Variants in VPS13A observed in about 807,000 individuals in gnomAD.
VPS13A encodes vacuolar protein sorting 13 homolog A.
In VPS13A, 264 loss-of-function variants were observed where a neutral mutation model predicts 390.9. That is an observed-to-expected ratio of 0.68 (90% CI 0.61 to 0.75). The LOEUF (loss-of-function observed/expected upper bound fraction) is 0.75. Ranked by LOEUF, VPS13A falls within the 30% of genes least tolerant of loss-of-function variation. The pLI, the probability that VPS13A is intolerant of heterozygous loss-of-function variation, is 0.00. For missense variants in VPS13A, 3,409 were observed against 3,733.9 expected (o/e 0.91, Z 2.27); for synonymous variants, 1,231 against 1,227.1 (o/e 1.00, Z -0.07).
intron 46 of VPS13A, among the ~76,000 whole-genome samples, chr9:77,333,298 A>T: frequency 6.6e-6 from 1 of 152,206 alleles, no homozygotes; most frequent in East Asian, 1.9e-4. Flanking sequence ...AATTTGTTAC[A>T]TGATAGTTAA....
Position 77,287,212 on chromosome 9 carries a change from A to G in VPS13A, c.3339+3562A>G, listed in dbSNP as rs367752291. The stretch of plus-strand genomic sequence containing the variant: ...TATATTATATAATAATATATTTTAT[A>G]TATACATAAAATTCTCTCTCTCTCT... On this transcript the variant is annotated intron_variant, in intron 31 of 71. Transcript: ENST00000360280. Among the ~76,000 whole-genome samples, 5 of 147,788 alleles carry G rather than the reference A, an allele frequency of 3.4e-5. No homozygotes were observed. In the East Asian group the frequency reaches 9.8e-4, roughly 29 times the overall value.
At chr9:77,271,108 T>G (rs73466071) in intron 23 of VPS13A, among the ~76,000 whole-genome samples, 1,939 of 152,256 alleles carry the variant, frequency 0.013, 46 homozygotes, top group African/African-American at 0.044. Context: ...GAAAAATAGT[T>G]GCAAAAATAT....
At chr9:77,363,038 C>G (rs1832227474) in intron 59 of VPS13A, among the ~76,000 whole-genome samples, 1 of 152,012 alleles carries the variant, frequency 6.6e-6, no homozygotes, top group Non-Finnish European at 1.5e-5. Flanking sequence ...TACATAAGAT[C>G]GTGTCATCTG....
chr9:77,282,558 C>A (rs1211396235), intron 29 of VPS13A, among the ~76,000 whole-genome samples: 1 of 151,924 alleles, frequency 6.6e-6, no homozygotes, highest in Non-Finnish European at 1.5e-5. Context: ...TTCCACCTCC[C>A]AGTAGGAGGA....
chr9:77,284,069 TGTC>T (rs941558897), intron 31 of VPS13A, among the ~76,000 whole-genome samples: 4 of 152,036 alleles, frequency 2.6e-5, no homozygotes, highest in African/African-American at 4.8e-5. Context: ...TAAAGCTTAT[TGTC>T]ATCAGCGATC....
intron 68 of VPS13A, among the ~76,000 whole-genome samples, chr9:77,394,160 G>T (rs1834022808): frequency 6.6e-6 from 1 of 151,352 alleles, no homozygotes; most frequent in Admixed American, 6.6e-5. Context: ...GAACTCCCAG[G>T]CTTAGTTGAT....
intron 3 of VPS13A, among the ~76,000 whole-genome samples, chr9:77,203,420 T>C (rs1179889246): frequency 1.3e-5 from 2 of 152,130 alleles, no homozygotes; most frequent in Non-Finnish European, 2.9e-5. Flanking sequence ...CCCGAGTAGC[T>C]GGGACTACAG....
intron 34 of VPS13A, among the ~76,000 whole-genome samples, chr9:77,303,828 TCTCGC>T (rs1828536699): frequency 6.6e-6 from 1 of 152,204 alleles, no homozygotes; most frequent in Admixed American, 6.5e-5. Context: ...TGCAAACATG[TCTCGC>T]CTCCCACCAT....
At chr9:77,400,714 G>A (rs1834349379) in intron 68 of VPS13A, among the ~76,000 whole-genome samples, 1 of 151,444 alleles carries the variant, frequency 6.6e-6, no homozygotes, top group African/African-American at 2.4e-5. Flanking sequence ...TGTAGTCCCA[G>A]CTACTTGGGA....
rs754727171 is a variant in VPS13A, at chr9:77,283,550, T to G, written c.3239T>G (p.Leu1080Arg). 1.9e-6 allele frequency: 3 copies of G among 1,613,506 alleles called. No individual in the cohort carries two copies. The highest frequency in any genetic ancestry group is 2.5e-6 in the Non-Finnish European group (3 of 1,179,624). Residue 1080 changes from leucine (L) to arginine (R), a missense_variant, in exon 31 of 72, where the codon CTT (leucine) becomes CGT (arginine). Physicochemically the swap from Leu to Arg is moderately radical, Grantham distance 102. Transcript: ENST00000360280. ...AGTCATTCTTTTGTTCCCTTAGGGC[T>G]TGATTCTGAGATGATTATGAGGCCT... ...CNISEIKIEG[L>R]DSEMIMRPSE...
In VPS13A at chr9:77,353,540, A is replaced by C. The variant is rs1831593364; in HGVS notation, c.7551A>C (p.Ala2517=). 5.6e-6 allele frequency: 9 copies of C among 1,613,622 alleles called. No homozygotes were observed. Among genetic ancestry groups the C allele is most frequent in the Non-Finnish European group, 6.8e-6 (8 of 1,179,676 alleles). ...AAGTAACATATGAAAGTGAGAAAGCAGAGTTAGCAGAGCAAGAAATTGCAG... is the reference window on the plus strand; with the variant it reads ...AAGTAACATATGAAAGTGAGAAAGCCGAGTTAGCAGAGCAAGAAATTGCAG... The part of the protein sequence containing the change: ...VFKVTYESEK[A]ELAEQEIAVA... Residue 2517 remains alanine, a synonymous_variant, in exon 54 of 72, where the codon GCA becomes GCC. Coordinates refer to ENST00000360280, the MANE Select transcript of VPS13A (RefSeq NM_033305.3).
chr9:77,335,921 G>A (rs1045775778), intron 46 of VPS13A, among the ~76,000 whole-genome samples: 7 of 152,264 alleles, frequency 4.6e-5, no homozygotes, highest in Admixed American at 4.6e-4. Flanking sequence ...GTTTATTGCA[G>A]CACTGTTCAC....
At position 77,387,702 on chromosome 9, in the gene VPS13A, AAAGG is replaced by A. The variant is rs1266843658; in HGVS notation, c.9189+5619_9189+5622del. The stretch of plus-strand genomic sequence containing the variant: ...TATTGCCAATTTTCAGTATTATAGA[AAAGG>A]AAGTCAAATTTTGTTTCCTTATTTA... On this transcript the variant is annotated intron_variant, in intron 68 of 71. Coordinates refer to ENST00000360280, the MANE Select transcript of VPS13A (RefSeq NM_033305.3). Among the ~76,000 whole-genome samples, 20 of 152,332 alleles carry A rather than the reference AAAGG, an allele frequency of 1.3e-4. No individual in the cohort carries two copies. The East Asian group carries it at 2.7e-3, about 21-fold the overall frequency.
chr9:77,333,686 T>TA (rs1164818143), intron 46 of VPS13A, among the ~76,000 whole-genome samples: 1 of 152,092 alleles, frequency 6.6e-6, no homozygotes, highest in East Asian at 1.9e-4. Flanking sequence ...TAGGTGCACT[T>TA]ATATTTAAGA....
At chr9:77,311,979 A>G (rs1313758825) in intron 35 of VPS13A, among the ~76,000 whole-genome samples, 2 of 152,200 alleles carry the variant, frequency 1.3e-5, no homozygotes, top group African/African-American at 2.4e-5. Context: ...AAAATAAAAT[A>G]TATCAGAATT....
intron 13 of VPS13A, among the ~76,000 whole-genome samples, chr9:77,225,247 T>C (rs1156235821): frequency 6.6e-6 from 1 of 152,144 alleles, no homozygotes; most frequent in Non-Finnish European, 1.5e-5. Flanking sequence ...ACACATAATA[T>C]GAAGGATTTA....
intron 1 of VPS13A, among the ~76,000 whole-genome samples, chr9:77,199,067 C>T (rs370875160): frequency 2.0e-5 from 3 of 152,134 alleles, no homozygotes; most frequent in African/African-American, 7.2e-5. Context: ...TTAATATTGC[C>T]ATTTTGCTAA....
chr9:77,202,562 A>T (rs928491990), intron 3 of VPS13A, among the ~76,000 whole-genome samples: 6 of 152,176 alleles, frequency 3.9e-5, no homozygotes, highest in African/African-American at 1.4e-4. Context: ...ATTGGTACAG[A>T]AGTATTACAA....
At chr9:77,229,105 G>T (rs1239236094) in intron 17 of VPS13A, among the ~76,000 whole-genome samples, 7 of 151,990 alleles carry the variant, frequency 4.6e-5, no homozygotes, top group African/African-American at 1.7e-4. Flanking sequence ...TTGAGACAGG[G>T]TTTCACTCTG....
Sources: allele counts gnomAD v4.1 joint callset (sites outside exome capture counted in the v4.1 genomes callset), GRCh38; gene constraint gnomAD v4.1.1; transcripts MANE v1.5; gene names NCBI Gene and HGNC (gene_info 2026-07-23, HGNC 2026-07-21).